Variants in KCTD1 observed in about 807,000 individuals in gnomAD.
KCTD1 encodes the protein potassium channel tetramerization domain containing 1.
Under a neutral mutation model 66.0 loss-of-function variants are expected in KCTD1, and 24 were observed. The observed-to-expected ratio is 0.36, with a 90% CI of 0.26 to 0.51. The LOEUF (loss-of-function observed/expected upper bound fraction) is 0.51, where lower values mean the gene tolerates loss of function less well. KCTD1 is among the 20% of genes least tolerant of loss of function. KCTD1 has a pLI of 0.95. For missense variants in KCTD1, 943 were observed against 1,205.2 expected, an observed-to-expected ratio of 0.78 and a Z score of 3.22; for synonymous variants, 511 against 517.2, an observed-to-expected ratio of 0.99 and a Z score of 0.16.
chr18:26,652,926 C>T (rs1988063340), intron 1 of KCTD1, among the ~76,000 whole-genome samples: 1 of 152,192 alleles, frequency 6.6e-6, no homozygotes, highest in Non-Finnish European at 1.5e-5. Flanking sequence ...GTCCACTTGA[C>T]ACTTCTCTCT....
intron 3 of KCTD1, among the ~76,000 whole-genome samples, chr18:26,470,998 T>G (rs1981027358): frequency 6.6e-6 from 1 of 152,182 alleles, no homozygotes; most frequent in Non-Finnish European, 1.5e-5. Flanking sequence ...TTGTGGGCTC[T>G]GACAGGGATG....
At chr18:26,471,239 G>A (rs1001168172) in intron 3 of KCTD1, among the ~76,000 whole-genome samples, 3 of 151,944 alleles carry the variant, frequency 2.0e-5, no homozygotes, top group African/African-American at 7.3e-5. Context: ...AAGTCTGACA[G>A]GTTGGTGATG....
At chr18:26,656,487 G>A (rs964772739) in intron 1 of KCTD1, among the ~76,000 whole-genome samples, 1 of 151,972 alleles carries the variant, frequency 6.6e-6, no homozygotes, top group African/African-American at 2.4e-5. Context: ...GAGTGGGAGG[G>A]GGCTTTAAAG....
At chr18:26,556,441 CATGG>C (rs1985709191) in intron 1 of KCTD1, among the ~76,000 whole-genome samples, 1 of 152,184 alleles carries the variant, frequency 6.6e-6, no homozygotes, top group South Asian at 2.1e-4. Flanking sequence ...TCTCCCCTGA[CATGG>C]ATTGCATCTG....
At chr18:26,621,492 T>C (rs1252932467) in intron 1 of KCTD1, among the ~76,000 whole-genome samples, 1 of 151,934 alleles carries the variant, frequency 6.6e-6, no homozygotes, top group East Asian at 1.9e-4. Context: ...ATCTGGACTA[T>C]ACGTGGAAAA....
chr18:26,624,406 C>T (rs761973959), intron 1 of KCTD1, among the ~76,000 whole-genome samples: 1 of 152,212 alleles, frequency 6.6e-6, no homozygotes, highest in Non-Finnish European at 1.5e-5. Flanking sequence ...CCAGGGACCC[C>T]TTGCTCTGTG....
intron 1 of KCTD1, among the ~76,000 whole-genome samples, chr18:26,511,856 C>T (rs1598907862): frequency 6.6e-6 from 1 of 152,062 alleles, no homozygotes; most frequent in South Asian, 2.1e-4. Context: ...GAAGGAGGGT[C>T]AGTGATCACA....
chr18:26,636,062 G>A (rs1987716906), intron 1 of KCTD1, among the ~76,000 whole-genome samples: 1 of 152,096 alleles, frequency 6.6e-6, no homozygotes, highest in South Asian at 2.1e-4. Flanking sequence ...AGGAATGAGT[G>A]GACAGTTTTA....
chr18:26,580,117 A>G (rs999778810), intron 1 of KCTD1, among the ~76,000 whole-genome samples: 6 of 152,190 alleles, frequency 3.9e-5, no homozygotes, highest in Non-Finnish European at 8.8e-5. Flanking sequence ...CATTGAGTCA[A>G]CAAACAACTA....
intron 1 of KCTD1, among the ~76,000 whole-genome samples, chr18:26,511,831 C>T (rs1424485365): frequency 6.6e-6 from 1 of 152,096 alleles, no homozygotes; most frequent in African/African-American, 2.4e-5. Flanking sequence ...GGTGAACATA[C>T]TGGCTGGAGG....
At chr18:26,657,443 C>T, upstream of KCTD1, 2 of 958,342 alleles carry the variant, frequency 2.1e-6, no homozygotes, top group Non-Finnish European at 1.2e-6. Flanking sequence ...TCCCAGCGAT[C>T]TGCTCGGCTC....
chr18:26,606,589 G>A (rs184580096), intron 1 of KCTD1, among the ~76,000 whole-genome samples: 1 of 152,302 alleles, frequency 6.6e-6, no homozygotes, highest in Non-Finnish European at 1.5e-5. Context: ...TCTTGAACCT[G>A]TCTCCGTCAT....
At chr18:26,513,515 T>C (rs1024405261) in intron 1 of KCTD1, among the ~76,000 whole-genome samples, 16 of 152,252 alleles carry the variant, frequency 1.1e-4, no homozygotes, top group Admixed American at 9.2e-4. Context: ...TCTAACAGTG[T>C]TGACATGGAG....
chr18:26,607,191 A>G (rs2144984271), intron 1 of KCTD1, among the ~76,000 whole-genome samples: 1 of 152,300 alleles, frequency 6.6e-6, no homozygotes, highest in East Asian at 1.9e-4. Flanking sequence ...CAAGCCACCA[A>G]GCCAAGCTAA....
At chr18:26,592,269 T>G (rs986238258) in intron 1 of KCTD1, among the ~76,000 whole-genome samples, 1 of 152,234 alleles carries the variant, frequency 6.6e-6, no homozygotes, top group Non-Finnish European at 1.5e-5. Flanking sequence ...GAAAAATAAT[T>G]TAAATAATCT....
Position 26,548,543 on chromosome 18 carries a change from GTCTC to G in KCTD1, c.-11_-8del, listed in dbSNP as rs1437092853. The G allele has an allele frequency of 9.0e-6, 11 of 1,219,432 alleles. No homozygotes were observed. The highest frequency in any genetic ancestry group is 1.1e-5 in the Non-Finnish European group (11 of 982,360). 75.5% of individuals were successfully genotyped at this position (1,219,432 alleles called of 1,614,324 possible). A position where few individuals can be genotyped will look rare whatever the true frequency, so the allele number is the denominator to read the frequency against. On this transcript the variant is annotated 5_prime_UTR_variant, in exon 1 of 5. Transcript: ENST00000580059. ...TGCCAGGCATTCTCGCCATATTGCC[GTCTC>G]TCTGCCAGTCCTCGGGCAGGGCGCA...
chr18:26,637,902 G>A (rs1598979232), intron 1 of KCTD1, among the ~76,000 whole-genome samples: 1 of 152,236 alleles, frequency 6.6e-6, no homozygotes, highest in Non-Finnish European at 1.5e-5. Context: ...GAGGGTGTCA[G>A]TGCAGTGACT....
intron 1 of KCTD1, among the ~76,000 whole-genome samples, chr18:26,653,498 C>G (rs541567978): frequency 6.6e-6 from 1 of 152,328 alleles, no homozygotes; most frequent in Non-Finnish European, 1.5e-5. Context: ...GCACTCATCT[C>G]TGTCAGTTGT....
In KCTD1 at chr18:26,565,333, C is replaced by T. The variant is rs146462429; in HGVS notation, c.-16+63814G>A. Among the ~76,000 whole-genome samples the T allele has an allele frequency of 1.8e-3, 277 of 152,298 alleles. 1 individual carries two copies. The highest frequency in any genetic ancestry group is 3.3e-3 in the Non-Finnish European group (227 of 68,026). On this transcript the variant is annotated intron_variant, in intron 1 of 4. Coordinates refer to the KCTD1 transcript ENST00000317932. Reference sequence around the variant, plus strand: ...CATCAAAGAGCTTGGAGATCATCAGCTGAATCAAGTTGTCTTTACATACCA... The same window carrying T: ...CATCAAAGAGCTTGGAGATCATCAGTTGAATCAAGTTGTCTTTACATACCA...
Sources: allele counts gnomAD v4.1 joint callset (sites outside exome capture counted in the v4.1 genomes callset), GRCh38; gene constraint gnomAD v4.1.1; transcripts MANE v1.5; gene names NCBI Gene and HGNC (gene_info 2026-07-23, HGNC 2026-07-21).